The following KALRN variants were observed in gnomAD, a reference collection of about 807,000 sequenced individuals.
The protein encoded by KALRN is kalirin.
Under a neutral mutation model 353.7 loss-of-function variants are expected in KALRN, and 70 were observed. The observed-to-expected ratio is 0.20, with a 90% CI of 0.16 to 0.24. The LOEUF (loss-of-function observed/expected upper bound fraction) is 0.24, where lower values mean the gene tolerates loss of function less well. Ranked by LOEUF, KALRN falls within the 10% of genes least tolerant of loss-of-function variation. The pLI, the probability that KALRN is intolerant of heterozygous loss-of-function variation, is 1.00. For synonymous variants in KALRN, 1,391 were observed against 1,434.8 expected (o/e 0.97, Z 0.69); for missense variants, 2,791 against 3,756.7 (o/e 0.74, Z 6.72).
At chr3:124,313,962 T>C (rs1355655012) in intron 6 of KALRN, among the ~76,000 whole-genome samples, 1 of 152,136 alleles carries the variant, frequency 6.6e-6, no homozygotes, top group African/African-American at 2.4e-5. Flanking sequence ...TTCTAGATCC[T>C]TGAGGAATCG....
intron 3 of KALRN, among the ~76,000 whole-genome samples, chr3:124,246,322 A>G (rs553356864): frequency 2.0e-5 from 3 of 152,368 alleles, no homozygotes; most frequent in East Asian, 3.9e-4. Context: ...TGGAAAGACT[A>G]AAGGGATTGG....
At chr3:124,684,177 T>C (rs2061459221) in intron 51 of KALRN, among the ~76,000 whole-genome samples, 3 of 152,152 alleles carry the variant, frequency 2.0e-5, no homozygotes, top group Admixed American at 2.0e-4. Context: ...CAGGAACTTG[T>C]CCTTTTCTGT....
chr3:124,676,445 G>C (rs536999001), intron 49 of KALRN, among the ~76,000 whole-genome samples: 13 of 152,120 alleles, frequency 8.5e-5, no homozygotes, highest in Admixed American at 7.9e-4. Context: ...CTGAAACCCT[G>C]TGTCCACATC....
Position 124,125,517 on chromosome 3 carries a change from G to A in KALRN, c.73+91704G>A, listed in dbSNP as rs947031072. Among the ~76,000 whole-genome samples the A allele has an allele frequency of 5.3e-4, 81 of 152,310 alleles. 2 individuals are homozygous for A. Among genetic ancestry groups the A allele is most frequent in the Admixed American group, 2.6e-4 (4 of 15,310 alleles). The stretch of plus-strand genomic sequence containing the variant: ...CCTTGAGCTGTCACACAGATGAGAG[G>A]AAGCTGTGATGTGGTGGGTGGAGGG... On this transcript the variant is annotated intron_variant, in intron 1 of 59. Coordinates refer to ENST00000682506, the MANE Select transcript of KALRN (RefSeq NM_001388419.1).
chr3:124,521,143 T>G (rs556885825), intron 33 of KALRN, among the ~76,000 whole-genome samples: 1 of 152,222 alleles, frequency 6.6e-6, no homozygotes, highest in Non-Finnish European at 1.5e-5. Context: ...CACACATCCA[T>G]GTACCCTTGC....
At chr3:124,612,478 C>T (rs1381187644) in intron 34 of KALRN, among the ~76,000 whole-genome samples, 1 of 152,224 alleles carries the variant, frequency 6.6e-6, no homozygotes, top group Non-Finnish European at 1.5e-5. Flanking sequence ...GCTGGGATTA[C>T]AGGCGTGAGC....
At chr3:124,625,041 T>A (rs1195993183) in intron 34 of KALRN, among the ~76,000 whole-genome samples, 2 of 152,208 alleles carry the variant, frequency 1.3e-5, no homozygotes, top group African/African-American at 4.8e-5. Context: ...AGTCATGGAA[T>A]TAGGGGAGGT....
intron 1 of KALRN, among the ~76,000 whole-genome samples, chr3:124,167,262 G>C (rs150423037): frequency 6.6e-6 from 1 of 152,136 alleles, no homozygotes. Context: ...AGGAGACTCT[G>C]GTTGCTAGTC....
chr3:124,150,791 A>C (rs2067993540), intron 1 of KALRN, among the ~76,000 whole-genome samples: 1 of 152,230 alleles, frequency 6.6e-6, no homozygotes, highest in African/African-American at 2.4e-5. Context: ...CAGTGAACAC[A>C]CTTGAGTAAT....
At chr3:124,076,684 T>C (rs763923348) in intron 1 of KALRN, among the ~76,000 whole-genome samples, 1 of 152,176 alleles carries the variant, frequency 6.6e-6, no homozygotes, top group Non-Finnish European at 1.5e-5. Context: ...GGCCAGACCA[T>C]TAGCATAAAA....
intron 46 of KALRN, 119 bp downstream of exon 46, chr3:124,666,753 T>TGTTATTCGGCTGA: frequency 1.2e-6 from 1 of 848,232 alleles, no homozygotes; most frequent in Non-Finnish European, 1.9e-6. Flanking sequence ...TTCAGCCGAA[T>TGTTATTCGGCTGA]AACATTCGGT....
Position 124,725,902 on chromosome 3 carries a change from C to T in KALRN, c.*6432C>T, listed in dbSNP as rs939171522. 2 of 152,194 alleles carry T rather than the reference C, an allele frequency of 1.3e-5. No individual in the cohort carries two copies. The highest frequency in any genetic ancestry group is 1.3e-4 in the Admixed American group (2 of 15,278). The allele number at this position is 152,194 out of a possible 1,614,324, so 9.4% of individuals were successfully genotyped here. A position where few individuals can be genotyped will look rare whatever the true frequency, so the allele number is the denominator to read the frequency against. On this transcript the variant is annotated 3_prime_UTR_variant, in exon 60 of 60. Coordinates refer to ENST00000682506, the MANE Select transcript of KALRN (RefSeq NM_001388419.1). ...TTATTCATAAGTGGACAGGTTTCCC[C>T]ATAGGGACCATCGCACATATACATA...
At chr3:124,691,857 C>T (rs562786001) in intron 51 of KALRN, among the ~76,000 whole-genome samples, 1 of 152,300 alleles carries the variant, frequency 6.6e-6, no homozygotes, top group South Asian at 2.1e-4. Flanking sequence ...TGGAGCAACC[C>T]TTTACATCCT....
intron 1 of KALRN, among the ~76,000 whole-genome samples, chr3:124,054,357 T>TTAAAAATAAAAATAAAAATAAAAA (rs58523343): frequency 0.77 from 104,790 of 136,586 alleles, 43,200 homozygotes; most frequent in Non-Finnish European, 0.89. Flanking sequence ...ACCCCATCAC[T>TTAAAAATAAAAATAAAAATAAAAA]TAAAAATAAA....
At chr3:124,137,506 G>A (rs955343301) in intron 1 of KALRN, among the ~76,000 whole-genome samples, 1 of 152,110 alleles carries the variant, frequency 6.6e-6, no homozygotes, top group Non-Finnish European at 1.5e-5. Flanking sequence ...GTAAGGATGT[G>A]GTTGAAAAGG....
intron 34 of KALRN, among the ~76,000 whole-genome samples, chr3:124,596,424 G>T (rs1038178881): frequency 2.0e-5 from 3 of 152,062 alleles, no homozygotes; most frequent in Admixed American, 1.3e-4. Context: ...CCAAAATCGC[G>T]CCATTGCACT....
intron 1 of KALRN, among the ~76,000 whole-genome samples, chr3:124,064,344 T>A (rs924489477): frequency 1.4e-4 from 21 of 152,080 alleles, no homozygotes; most frequent in Non-Finnish European, 2.8e-4. Context: ...GATTCCTCTG[T>A]GGCAGCCATT....
intron 33 of KALRN, chr3:124,519,100 C>T: frequency 1.0e-6 from 1 of 985,800 alleles, no homozygotes; most frequent in Non-Finnish European, 1.2e-6. Flanking sequence ...TCAGGTTTTT[C>T]TAGCTCCTCC....
chr3:124,338,599 G>T (rs557918681), intron 9 of KALRN, among the ~76,000 whole-genome samples: 14 of 152,328 alleles, frequency 9.2e-5, no homozygotes, highest in Admixed American at 2.6e-4. Context: ...GTCCTGAGAA[G>T]AATGTATATT....
Sources: allele counts gnomAD v4.1 joint callset (sites outside exome capture counted in the v4.1 genomes callset), GRCh38; gene constraint gnomAD v4.1.1; transcripts MANE v1.5; gene names NCBI Gene and HGNC (gene_info 2026-07-23, HGNC 2026-07-21).